The following MX2 variants were observed in gnomAD, a reference collection of about 807,000 sequenced individuals.
The protein encoded by MX2 is interferon-induced GTP-binding protein Mx2.
Under a neutral mutation model 74.0 loss-of-function variants are expected in MX2, and 51 were observed. The observed-to-expected ratio is 0.69, with a 90% CI of 0.55 to 0.87. MX2 has a LOEUF of 0.87. Ranked by LOEUF, MX2 falls within the 40% of genes least tolerant of loss-of-function variation. The pLI, the probability that MX2 is intolerant of heterozygous loss-of-function variation, is 0.00. For missense variants in MX2, 832 were observed against 908.7 expected (o/e 0.92, Z 1.09); for synonymous variants, 369 against 339.3 (o/e 1.09, Z -0.96).
rs1010658219 is a variant in MX2 at position 41,380,791 on chromosome 21, G to A, written c.577+640G>A. Among the ~76,000 whole-genome samples the A allele has an allele frequency of 1.3e-5, 2 of 152,180 alleles. No individual in the cohort carries two copies. Among genetic ancestry groups the A allele is most frequent in the African/African-American group, 4.8e-5 (2 of 41,454 alleles). On this transcript the variant is annotated intron_variant, in intron 4 of 13. Transcript: ENST00000330714. The surrounding 1 kb of genome is among the most constrained non-coding windows in gnomAD (Gnocchi z 4.3). Reference sequence around the variant, plus strand: ...AGTCCACACCCTTCTCCCCCGAGGGGCCCTAGTGGTTACGTCCCTTGGAGT... The same window carrying A: ...AGTCCACACCCTTCTCCCCCGAGGGACCCTAGTGGTTACGTCCCTTGGAGT...
rs769112397 is a variant in MX2, at chr21:41,403,346, A to G, written c.1650+3A>G. On this transcript the variant is annotated splice_donor_region_variant and intron_variant, in intron 12 of 13. Coordinates refer to ENST00000330714, the MANE Select transcript of MX2 (RefSeq NM_002463.2). ...TCAACCTTAACCAAACTGTTCAGGTAAGCACCCAGAGTTCACTTGCTAGTC... is the reference window on the plus strand; with the variant it reads ...TCAACCTTAACCAAACTGTTCAGGTGAGCACCCAGAGTTCACTTGCTAGTC... 1 of 1,610,860 alleles carries G rather than the reference A, an allele frequency of 6.2e-7. No individual in the cohort carries two copies. The highest frequency in any genetic ancestry group is 8.5e-7 in the Non-Finnish European group (1 of 1,177,122).
chr21:41,380,963 C>A lies in MX2; in HGVS notation c.577+812C>A, dbSNP rs907235494. 6.6e-6 allele frequency among the ~76,000 whole-genome samples: 1 copy of A among 152,206 alleles called. No homozygotes were observed. Among genetic ancestry groups the A allele is most frequent in the Admixed American group, 6.5e-5 (1 of 15,288 alleles). On this transcript the variant is annotated intron_variant, in intron 4 of 13. Transcript: ENST00000330714. This position sits in a 1 kb window ranked among gnomAD's most constrained non-coding sequence, Gnocchi z 4.3. ...TACTAAGACTCCCTGCAGGGAGGAACTAAGTCCAAGGAAGGCCTTTTGCAT... is the reference window on the plus strand; with the variant it reads ...TACTAAGACTCCCTGCAGGGAGGAAATAAGTCCAAGGAAGGCCTTTTGCAT...
chr21:41,382,993 G>A (rs1055382983), intron 5 of MX2, among the ~76,000 whole-genome samples: 1 of 152,232 alleles, frequency 6.6e-6, no homozygotes, highest in African/African-American at 2.4e-5. Flanking sequence ...AGGGGTGAGG[G>A]AGGGCGACCG....
intron 5 of MX2, among the ~76,000 whole-genome samples, chr21:41,387,397 A>G (rs183676073): frequency 6.6e-6 from 1 of 152,284 alleles, no homozygotes; most frequent in African/African-American, 2.4e-5. Context: ...TCACGGCCTC[A>G]TTGTACGACT....
chr21:41,406,682 T>A, intron 12 of MX2, 62 bp from the exon 13 acceptor site: 1 of 1,535,908 alleles, frequency 6.5e-7, no homozygotes, highest in Non-Finnish European at 8.8e-7. Flanking sequence ...ACTTCCAAAT[T>A]TGTTTAAGCC....
At chr21:41,373,576 C>T (rs1303610954) in intron 1 of MX2, among the ~76,000 whole-genome samples, 1 of 152,138 alleles carries the variant, frequency 6.6e-6, no homozygotes, top group Non-Finnish European at 1.5e-5. Context: ...TCCCCAACTC[C>T]CCTCTGCCCT....
At chr21:41,386,185 A>G (rs2089571111) in intron 5 of MX2, among the ~76,000 whole-genome samples, 1 of 134,472 alleles carries the variant, frequency 7.4e-6, no homozygotes, top group Non-Finnish European at 1.5e-5. Flanking sequence ...ACGCCACTGC[A>G]CTACAGCCTG....
At chr21:41,367,932 C>CT (rs1458297974) in intron 1 of MX2, among the ~76,000 whole-genome samples, 1 of 152,234 alleles carries the variant, frequency 6.6e-6, no homozygotes, top group African/African-American at 2.4e-5. Context: ...ACTTGGCTGT[C>CT]TGCTGCACCC....
intron 1 of MX2, chr21:41,370,222 A>G (rs1275813753): frequency 6.6e-6 from 1 of 152,274 alleles, no homozygotes; most frequent in Non-Finnish European, 1.5e-5. Context: ...AAGACCTTCA[A>G]GTTAATTGTT....
At chr21:41,401,320 T>C (rs1201414255) in intron 10 of MX2, 1 of 152,294 alleles carries the variant, frequency 6.6e-6, no homozygotes, top group Non-Finnish European at 1.5e-5. Context: ...ACTGTTTACC[T>C]CCGTGGAAAG....
chr21:41,374,596 G>GT (rs2145870702), intron 1 of MX2, among the ~76,000 whole-genome samples: 1 of 152,346 alleles, frequency 6.6e-6, no homozygotes, highest in East Asian at 1.9e-4. Context: ...GTTGTCCCCA[G>GT]TTGTCCCACC....
rs5844074 is a variant in MX2 at position 41,401,685 on chromosome 21, GT to G, written c.1415-272del. On this transcript the variant is annotated intron_variant, in intron 10 of 13. Transcript: ENST00000330714. Reference sequence around the variant, plus strand: ...GCCACCACACCTAGTTTCTAATCAGGTTTTTTTTTTTTTCCTACCAGTTAGA... The same window carrying G: ...GCCACCACACCTAGTTTCTAATCAGGTTTTTTTTTTTTCCTACCAGTTAGA... 343 of 190,420 alleles carry G rather than the reference GT, an allele frequency of 1.8e-3. 1 individual carries two copies. The highest frequency in any genetic ancestry group is 9.8e-3 in the East Asian group (84 of 8,572). 11.8% of individuals were successfully genotyped at this position (190,420 alleles called of 1,614,324 possible).
At chr21:41,386,219 C>CAAAAAAAAAAAAAAA (rs59005802) in intron 5 of MX2, among the ~76,000 whole-genome samples, 2 of 31,998 alleles carry the variant, frequency 6.3e-5, no homozygotes, top group Non-Finnish European at 1.3e-4. Flanking sequence ...TACTCCATCT[C>CAAAAAAAAAAAAAAA]AAAAAAAAAA....
rs1432651988 is a variant in MX2, at chr21:41,406,750, A to G, written c.1657A>G (p.Ile553Val). The G allele has an allele frequency of 5.6e-6, 9 of 1,614,028 alleles. No homozygotes were observed. The highest frequency in any genetic ancestry group is 7.6e-6 in the Non-Finnish European group (9 of 1,179,954). ...FNLNQTVQST[I>V]EDIKVKHTAK... Reference sequence around the variant, plus strand: ...GTCTTTTTTATCTAACCAGAGCACGATTGAAGACATAAAAGTGAAACACAC... The same window carrying G: ...GTCTTTTTTATCTAACCAGAGCACGGTTGAAGACATAAAAGTGAAACACAC... The change falls in exon 13 of 14, where the codon ATT becomes GTT. Residue 553 changes from isoleucine to valine, a missense_variant. Physicochemically the swap from Ile to Val is conservative, Grantham distance 29. Transcript: ENST00000330714.
intron 3 of MX2, among the ~76,000 whole-genome samples, chr21:41,379,700 T>C (rs548219504): frequency 6.6e-6 from 1 of 152,300 alleles, no homozygotes; most frequent in East Asian, 1.9e-4. Flanking sequence ...AGCATCTGCC[T>C]CCATCACTTC....
rs367951664 is a variant in MX2 at position 41,378,691 on chromosome 21, C to T, written c.442+710C>T. Among the ~76,000 whole-genome samples the T allele has an allele frequency of 5.3e-5, 8 of 152,130 alleles. No individual in the cohort carries two copies. The South Asian group carries it at 6.2e-4, about 12-fold the overall frequency. ...TAATTATAAAGGAAAATGATAAAGG[C>T]GGTACCCTCAGAGTGGGTACTGGAG... On this transcript the variant is annotated intron_variant, in intron 3 of 13. Transcript: ENST00000330714.
At position 41,402,900 on chromosome 21, in the gene MX2, T is replaced by A. The variant is rs1487839028; in HGVS notation, c.1574-367T>A. On this transcript the variant is annotated intron_variant, in intron 11 of 13. Transcript: ENST00000330714. The surrounding 1 kb of genome is among the most constrained non-coding windows in gnomAD (Gnocchi z 4.5). ...TGTGAGAATCTAGTGCCACCGCAGA[T>A]CTGAAAAGAGGTGGGGCTCAGGCAG... 4.5e-6 allele frequency: 1 copy of A among 223,944 alleles called. No homozygotes were observed. The highest frequency in any genetic ancestry group is 9.2e-6 in the Non-Finnish European group (1 of 109,070). 13.9% of individuals were successfully genotyped at this position (223,944 alleles called of 1,614,324 possible). A position where few individuals can be genotyped will look rare whatever the true frequency, so the allele number is the denominator to read the frequency against.
In MX2 at chr21:41,366,903, C is replaced by G. The variant is rs922553862; in HGVS notation, c.-72+4848C>G. Reference sequence around the variant, plus strand: ...CACTGTTGACATGGCAACCCCCACCCCCTGGACTCCTCGCTCAACCCACAA... The same window carrying G: ...CACTGTTGACATGGCAACCCCCACCGCCTGGACTCCTCGCTCAACCCACAA... On this transcript the variant is annotated intron_variant, in intron 1 of 13. Transcript: ENST00000330714. The surrounding 1 kb of genome is among the most constrained non-coding windows in gnomAD (Gnocchi z 4.5). 6 of 152,528 alleles carry G rather than the reference C, an allele frequency of 3.9e-5. No individual in the cohort carries two copies. The highest frequency in any genetic ancestry group is 3.9e-4 in the Admixed American group (6 of 15,276). 9.4% of individuals were successfully genotyped at this position (152,528 alleles called of 1,614,324 possible). A position where few individuals can be genotyped will look rare whatever the true frequency, so the allele number is the denominator to read the frequency against.
intron 3 of MX2, among the ~76,000 whole-genome samples, chr21:41,378,471 TG>T (rs961288643): frequency 6.6e-6 from 1 of 152,242 alleles, no homozygotes; most frequent in Non-Finnish European, 1.5e-5. Context: ...TAGTGGTCTT[TG>T]TAAGAATGTA....
Sources: allele counts gnomAD v4.1 joint callset (sites outside exome capture counted in the v4.1 genomes callset), GRCh38; gene constraint gnomAD v4.1.1; non-coding constraint Gnocchi (gnomAD v3.1); transcripts MANE v1.5; gene names NCBI Gene and HGNC (gene_info 2026-07-23, HGNC 2026-07-21).